FNIP1: variants seen among roughly 807,000 people sequenced by gnomAD.
FNIP1 encodes folliculin interacting protein 1, also known as folliculin-interacting protein 1.
FNIP1 carries 40 observed loss-of-function variants against 124.5 expected under a neutral mutation model. That is an observed-to-expected ratio of 0.32 (90% CI 0.25 to 0.42). FNIP1 has a LOEUF of 0.42. Ranked by LOEUF, FNIP1 falls within the 10% of genes least tolerant of loss-of-function variation. The probability of loss-of-function intolerance (pLI) is 1.00; values close to 1 mark genes in which losing one functional copy is unlikely to be tolerated. For synonymous variants in FNIP1, 472 were observed against 470.6 expected (o/e 1.00, Z -0.04); for missense variants, 1,176 against 1,403.7 (o/e 0.84, Z 2.59).
chr5:131,724,124 G>A (rs1769772371), intron 3 of FNIP1, among the ~76,000 whole-genome samples: 1 of 152,164 alleles, frequency 6.6e-6, no homozygotes, highest in African/African-American at 2.4e-5. Context: ...GGACATTTGG[G>A]TTGGTTCCAA....
At chr5:131,696,457 ACT>A (rs1353932491) in intron 11 of FNIP1, among the ~76,000 whole-genome samples, 1 of 152,130 alleles carries the variant, frequency 6.6e-6, no homozygotes, top group East Asian at 1.9e-4. Context: ...AAAAACCCAC[ACT>A]GATTACCGTA....
Position 131,644,671 on chromosome 5 carries a change from A to C in FNIP1, c.*14T>G, listed in dbSNP as rs1337703259. 1 of 1,611,162 alleles carries C rather than the reference A, an allele frequency of 6.2e-7. No individual in the cohort carries two copies. On this transcript the variant is annotated 3_prime_UTR_variant, in exon 18 of 18. Transcript: ENST00000510461. ...ACCTATTTTCCCACCAATTTCTAAC[A>C]ATTTTTAGGTATATTAAAGGAGTAT...
At chr5:131,673,286 G>A (rs1398709311) in intron 13 of FNIP1, among the ~76,000 whole-genome samples, 1 of 151,746 alleles carries the variant, frequency 6.6e-6, no homozygotes, top group Non-Finnish European at 1.5e-5. Context: ...GAGCTCCTGG[G>A]CTCAAGCAAT....
intron 4 of FNIP1, 36 bp downstream of exon 4, chr5:131,719,281 T>C: frequency 6.4e-7 from 1 of 1,564,906 alleles, no homozygotes; most frequent in Non-Finnish European, 8.7e-7. Flanking sequence ...TATCTAAAAA[T>C]GGGACTCGTT....
At chr5:131,719,754 T>A (rs1769594138) in intron 3 of FNIP1, among the ~76,000 whole-genome samples, 1 of 152,206 alleles carries the variant, frequency 6.6e-6, no homozygotes, top group African/African-American at 2.4e-5. Flanking sequence ...AAGCAGGCAT[T>A]CTTAACCACA....
chr5:131,708,864 C>T (rs1769200227), intron 8 of FNIP1, among the ~76,000 whole-genome samples: 1 of 149,858 alleles, frequency 6.7e-6, no homozygotes, highest in African/African-American at 2.5e-5. Flanking sequence ...ACAATTTAAA[C>T]TTTAGTTAGC....
At chr5:131,796,807 A>G in intron 1 of FNIP1, 23 bp downstream of exon 1, 1 of 1,556,550 alleles carries the variant, frequency 6.4e-7, no homozygotes, top group Admixed American at 1.9e-5. Context: ...CGGCTCCGCG[A>G]CCCCCGCCCC....
In FNIP1 at chr5:131,739,579, C is replaced by T. The variant is rs185499609; in HGVS notation, c.219+4985G>A. Among the ~76,000 whole-genome samples, 512 of 151,806 alleles carry T rather than the reference C, an allele frequency of 3.4e-3. 4 individuals carry two copies. Among genetic ancestry groups the T allele is most frequent in the African/African-American group, 0.012 (479 of 41,436 alleles). On this transcript the variant is annotated intron_variant, in intron 2 of 17. Transcript: ENST00000510461. ...CCGTAATCCCAGCACTTTGGGAGGC[C>T]GAGGTGGGTGGATCACGAGGTCAGG...
chr5:131,741,182 CTCTTGGGGTCTGGA>C (rs1343431343), intron 2 of FNIP1, among the ~76,000 whole-genome samples: 3 of 152,174 alleles, frequency 2.0e-5, no homozygotes, highest in African/African-American at 4.8e-5. Flanking sequence ...CAAGAACCCT[CTCTTGGGGTCTGGA>C]TCCAGACCCC....
intron 2 of FNIP1, among the ~76,000 whole-genome samples, chr5:131,733,540 G>T (rs1252714580): frequency 6.6e-6 from 1 of 152,092 alleles, no homozygotes; most frequent in Non-Finnish European, 1.5e-5. Context: ...TAGCATGAAG[G>T]GCTGTTGAAT....
intron 1 of FNIP1, among the ~76,000 whole-genome samples, chr5:131,771,555 A>C (rs1208855570): frequency 6.6e-6 from 1 of 152,196 alleles, no homozygotes; most frequent in Non-Finnish European, 1.5e-5. Flanking sequence ...TTACTTCTCT[A>C]AAGTCAACCT....
chr5:131,796,066 T>C (rs532693791), intron 1 of FNIP1: 4 of 152,338 alleles, frequency 2.6e-5, no homozygotes, highest in African/African-American at 9.6e-5. Flanking sequence ...AATGAAAAAT[T>C]AACAAAGCCT....
At chr5:131,769,613 G>C (rs1184522409) in intron 1 of FNIP1, among the ~76,000 whole-genome samples, 1 of 152,162 alleles carries the variant, frequency 6.6e-6, no homozygotes, top group Non-Finnish European at 1.5e-5. Context: ...TCAAATAAAA[G>C]GCTCTCCATG....
At chr5:131,757,260 G>A (rs1297887593) in intron 1 of FNIP1, among the ~76,000 whole-genome samples, 1 of 152,158 alleles carries the variant, frequency 6.6e-6, no homozygotes, top group African/African-American at 2.4e-5. Flanking sequence ...AAGGCTCAAG[G>A]TACAGCCAAG....
In FNIP1 at chr5:131,706,398, A is replaced by G; in HGVS notation, c.914+13T>C. On this transcript the variant is annotated intron_variant, in intron 9 of 17. Coordinates refer to ENST00000510461, the MANE Select transcript of FNIP1 (RefSeq NM_133372.3). ...CTACTCAATCTTGTTCTGTGTTTAA[A>G]GTTCCAACTTACCATCTAGGAAATA... 2 of 1,603,748 alleles carry G rather than the reference A, an allele frequency of 1.2e-6. No individual in the cohort carries two copies. The highest frequency in any genetic ancestry group is 1.7e-6 in the Non-Finnish European group (2 of 1,175,152).
Position 131,704,068 on chromosome 5 carries a change from T to C in FNIP1, c.1113A>G (p.Glu371=). ...SHMNKLKSAI[E]QAMKMSRRSA... ...ATAAATAAATAACTATGCTTACCTG[T>C]TCTATTGCACTCTTTAATTTGTTCA... is the stretch of plus-strand genomic sequence containing the variant. The change falls in exon 10 of 18, where the codon GAA becomes GAG. Residue 371 remains glutamate (E), a synonymous_variant. Transcript: ENST00000510461. 1 of 1,602,290 alleles carries C rather than the reference T, an allele frequency of 6.2e-7. No individual in the cohort carries two copies. The highest frequency in any genetic ancestry group is 8.5e-7 in the Non-Finnish European group (1 of 1,170,754).
intron 13 of FNIP1, among the ~76,000 whole-genome samples, chr5:131,676,433 G>A (rs1340568477): frequency 6.6e-6 from 1 of 151,994 alleles, no homozygotes; most frequent in East Asian, 2.0e-4. Context: ...ACAGGCATGA[G>A]CCACTGCACC....
intron 11 of FNIP1, among the ~76,000 whole-genome samples, chr5:131,692,503 A>G (rs567339018): frequency 1.3e-5 from 2 of 152,324 alleles, no homozygotes; most frequent in East Asian, 3.9e-4. Context: ...GATTCAACAC[A>G]ATCCCAATGA....
At chr5:131,710,950 A>G (rs1271697453) in intron 6 of FNIP1, among the ~76,000 whole-genome samples, 1 of 152,246 alleles carries the variant, frequency 6.6e-6, no homozygotes, top group African/African-American at 2.4e-5. Flanking sequence ...TAAATGTTCA[A>G]TCCTTTCTAA....
Sources: allele counts gnomAD v4.1 joint callset (sites outside exome capture counted in the v4.1 genomes callset), GRCh38; gene constraint gnomAD v4.1.1; transcripts MANE v1.5; gene names NCBI Gene and HGNC (gene_info 2026-07-23, HGNC 2026-07-21).